Variants in ANTXR1 observed in about 807,000 individuals in gnomAD.
The protein encoded by ANTXR1 is anthrax toxin receptor 1.
A neutral mutation model predicts 78.1 loss-of-function variants in ANTXR1; 19 were observed. The observed-to-expected ratio is 0.24, with a 90% CI of 0.17 to 0.36. ANTXR1 has a LOEUF of 0.36. Among genes scored for constraint, ANTXR1 ranks in the 10% least tolerant of loss-of-function variants. ANTXR1 has a pLI of 1.00. For missense variants in ANTXR1, 518 were observed against 718.6 expected (o/e 0.72, Z 3.19); for synonymous variants, 273 against 260.5 (o/e 1.05, Z -0.46).
At chr2:69,183,172 TAATA>T (rs1174434252) in intron 16 of ANTXR1, among the ~76,000 whole-genome samples, 2 of 152,172 alleles carry the variant, frequency 1.3e-5, no homozygotes, top group Non-Finnish European at 2.9e-5. Flanking sequence ...CCTTTTGCCA[TAATA>T]TAAGCCCATT....
intron 12 of ANTXR1, among the ~76,000 whole-genome samples, chr2:69,126,521 CA>C (rs1465687139): frequency 6.6e-6 from 1 of 152,140 alleles, no homozygotes; most frequent in Non-Finnish European, 1.5e-5. Flanking sequence ...TACTCTAAAT[CA>C]AATAACTCCA....
intron 17 of ANTXR1, among the ~76,000 whole-genome samples, chr2:69,214,267 T>G (rs1675124547): frequency 6.6e-6 from 1 of 152,214 alleles, no homozygotes; most frequent in Non-Finnish European, 1.5e-5. Flanking sequence ...ACTGTTTCTC[T>G]CCTTCTGAGC....
At chr2:69,181,671 A>C in intron 14 of ANTXR1, 115 bp from the exon 15 acceptor site, 1 of 989,176 alleles carries the variant, frequency 1.0e-6, no homozygotes, top group Non-Finnish European at 1.6e-6. Context: ...TAGCACTGGG[A>C]TTGCACCCAG....
At chr2:69,182,185 C>T (rs1266294259) in intron 15 of ANTXR1, among the ~76,000 whole-genome samples, 9 of 152,144 alleles carry the variant, frequency 5.9e-5, no homozygotes, top group Non-Finnish European at 7.4e-5. Flanking sequence ...CAAACGTCCT[C>T]GTGATTTCTT....
intron 10 of ANTXR1, among the ~76,000 whole-genome samples, chr2:69,111,272 G>C (rs976727550): frequency 6.6e-6 from 1 of 152,132 alleles, no homozygotes; most frequent in African/African-American, 2.4e-5. Flanking sequence ...TCAGTGTACT[G>C]TGCCAAGAAA....
At chr2:69,245,044 A>G (rs1558671640) in intron 17 of ANTXR1, among the ~76,000 whole-genome samples, 181 bp from the exon 18 acceptor site, 1 of 152,110 alleles carries the variant, frequency 6.6e-6, no homozygotes, top group Non-Finnish European at 1.5e-5. Flanking sequence ...GTTTTGCAAC[A>G]CAGTCCAGGA....
intron 14 of ANTXR1, 104 bp downstream of exon 14, chr2:69,170,393 G>A: frequency 7.3e-7 from 1 of 1,374,570 alleles, no homozygotes; most frequent in Non-Finnish European, 1.0e-6. Context: ...GCAGAGCTAA[G>A]TCAAGCTCAA....
chr2:69,204,181 T>C (rs1457792394), intron 17 of ANTXR1, among the ~76,000 whole-genome samples: 1 of 152,174 alleles, frequency 6.6e-6, no homozygotes, highest in Non-Finnish European at 1.5e-5. Flanking sequence ...GTGATGGGCC[T>C]CAATTAAGAA....
chr2:69,063,983 A>G (rs1458573538), intron 3 of ANTXR1, among the ~76,000 whole-genome samples: 2 of 152,014 alleles, frequency 1.3e-5, no homozygotes, highest in Non-Finnish European at 2.9e-5. Context: ...ATGCAAAAGG[A>G]TATAGGAAAG....
Position 69,074,832 on chromosome 2 carries a change from C to G in ANTXR1, c.493-758C>G, listed in dbSNP as rs542960592. Among the ~76,000 whole-genome samples, 8 of 152,344 alleles carry G rather than the reference C, an allele frequency of 5.3e-5. 1 individual carries two copies. Among genetic ancestry groups the G allele is most frequent in the Admixed American group, 5.2e-4 (8 of 15,304 alleles). On this transcript the variant is annotated intron_variant, in intron 6 of 17. Coordinates refer to ENST00000303714, the MANE Select transcript of ANTXR1 (RefSeq NM_032208.3). ...TTTGCTATCAGTTATTAAGCACCCA[C>G]TGTAAGTGCCAAGGATTTTCAATTT...
chr2:69,102,761 A>G, intron 9 of ANTXR1, 81 bp from the exon 10 acceptor site: 1 of 1,376,528 alleles, frequency 7.3e-7, no homozygotes, highest in Non-Finnish European at 1.0e-6. Flanking sequence ...GAAATAGTGA[A>G]CAAATGCTCT....
intron 10 of ANTXR1, among the ~76,000 whole-genome samples, chr2:69,111,987 T>C (rs1031511391): frequency 3.9e-5 from 6 of 152,158 alleles, no homozygotes; most frequent in African/African-American, 2.4e-5. Flanking sequence ...AGTCTTGCCA[T>C]ATGTTGGTCA....
intron 17 of ANTXR1, among the ~76,000 whole-genome samples, chr2:69,238,119 A>G (rs1675813589): frequency 6.6e-6 from 1 of 152,108 alleles, no homozygotes; most frequent in South Asian, 2.1e-4. Context: ...CCCTCTATTC[A>G]AATGATCAGT....
chr2:69,182,809 A>G, intron 16 of ANTXR1, 149 bp downstream of exon 16: 2 of 987,242 alleles, frequency 2.0e-6, no homozygotes, highest in Non-Finnish European at 3.0e-6. Flanking sequence ...ACTTGAAAGT[A>G]CTAGTAATTA....
intron 16 of ANTXR1, among the ~76,000 whole-genome samples, chr2:69,187,581 A>ACTTCTTT (rs1674449294): frequency 1.0e-5 from 1 of 97,038 alleles, no homozygotes; most frequent in African/African-American, 5.1e-5. Flanking sequence ...TTTATCATGT[A>ACTTCTTT]TTTCTTTTTT....
chr2:69,112,336 G>A (rs1672017186), intron 10 of ANTXR1, among the ~76,000 whole-genome samples: 1 of 152,134 alleles, frequency 6.6e-6, no homozygotes, highest in Admixed American at 6.5e-5. Context: ...AGTTGGCAGG[G>A]GTGGAAAGGA....
chr2:69,048,646 T>C (rs970738833), intron 3 of ANTXR1, among the ~76,000 whole-genome samples: 3 of 152,198 alleles, frequency 2.0e-5, no homozygotes, highest in African/African-American at 7.2e-5. Flanking sequence ...GTTAAACTCT[T>C]TGCTAGGCTT....
intron 12 of ANTXR1, among the ~76,000 whole-genome samples, chr2:69,137,812 C>T (rs1369432952): frequency 6.7e-6 from 1 of 149,368 alleles, no homozygotes; most frequent in African/African-American, 2.5e-5. Flanking sequence ...ACAGTGGGCG[C>T]GGTGGCTCCG....
chr2:69,014,806 G>A (rs2103972778), intron 1 of ANTXR1, among the ~76,000 whole-genome samples: 1 of 152,322 alleles, frequency 6.6e-6, no homozygotes, highest in African/African-American at 2.4e-5. Context: ...GTGCTTTGCA[G>A]TTGCCCCTGG....
Sources: allele counts gnomAD v4.1 joint callset (sites outside exome capture counted in the v4.1 genomes callset), GRCh38; gene constraint gnomAD v4.1.1; transcripts MANE v1.5; gene names NCBI Gene and HGNC (gene_info 2026-07-23, HGNC 2026-07-21).